CACNA1D: variants seen among roughly 807,000 people sequenced by gnomAD.
CACNA1D encodes calcium voltage-gated channel subunit alpha1 D, also known as voltage-dependent L-type calcium channel subunit alpha-1D.
In CACNA1D, 55 loss-of-function variants were observed where a neutral mutation model predicts 257.1. The observed-to-expected ratio is 0.21, with a 90% CI of 0.17 to 0.27. The LOEUF (loss-of-function observed/expected upper bound fraction) is 0.27. Among genes scored for constraint, CACNA1D ranks in the 10% least tolerant of loss-of-function variants. The pLI, the probability that CACNA1D is intolerant of heterozygous loss-of-function variation, is 1.00. For missense variants in CACNA1D, 1,876 were observed against 2,784.0 expected, an observed-to-expected ratio of 0.67 and a Z score of 7.34; for synonymous variants, 980 against 1,014.9, an observed-to-expected ratio of 0.97 and a Z score of 0.65.
At chr3:53,505,838 G>T (rs113056048) in intron 3 of CACNA1D, among the ~76,000 whole-genome samples, 1,723 of 152,340 alleles carry the variant, frequency 0.011, 31 homozygotes, top group African/African-American at 0.04. Flanking sequence ...CTGAGAAGCA[G>T]TGCTGGGCTG....
At chr3:53,624,470 A>G (rs1459177275) in intron 3 of CACNA1D, among the ~76,000 whole-genome samples, 1 of 152,134 alleles carries the variant, frequency 6.6e-6, no homozygotes, top group Non-Finnish European at 1.5e-5. Context: ...CCATCCCACC[A>G]CCTTCTCCCG....
chr3:53,680,577 C>T (rs1423839794), intron 8 of CACNA1D, among the ~76,000 whole-genome samples: 2 of 152,118 alleles, frequency 1.3e-5, no homozygotes, highest in Non-Finnish European at 2.9e-5. Flanking sequence ...ATCTGTTGAT[C>T]CCAAATCCTA....
At chr3:53,601,667 A>G (rs2093444060) in intron 3 of CACNA1D, among the ~76,000 whole-genome samples, 1 of 152,192 alleles carries the variant, frequency 6.6e-6, no homozygotes, top group Non-Finnish European at 1.5e-5. Flanking sequence ...AGTAACAACA[A>G]TAATGATAAT....
At chr3:53,799,683 G>T (rs559451962) in intron 40 of CACNA1D, among the ~76,000 whole-genome samples, 1 of 152,198 alleles carries the variant, frequency 6.6e-6, no homozygotes, top group South Asian at 2.1e-4. Context: ...GTCGTGGTCC[G>T]AGTGTGCTGG....
chr3:53,515,931 C>CTT (rs563321706), intron 3 of CACNA1D, among the ~76,000 whole-genome samples: 7 of 152,218 alleles, frequency 4.6e-5, no homozygotes, highest in Non-Finnish European at 1.0e-4. Context: ...CTCTCTCTCT[C>CTT]TTCAGCCTTC....
At chr3:53,519,617 ATACTT>A (rs1326617492) in intron 3 of CACNA1D, among the ~76,000 whole-genome samples, 1 of 152,232 alleles carries the variant, frequency 6.6e-6, no homozygotes, top group Non-Finnish European at 1.5e-5. Context: ...TGGCATGTTC[ATACTT>A]TTTAAAAGAA....
chr3:53,693,313 C>T (rs2108536376), intron 8 of CACNA1D, among the ~76,000 whole-genome samples: 1 of 152,274 alleles, frequency 6.6e-6, no homozygotes, highest in African/African-American at 2.4e-5. Flanking sequence ...CTATTGGTCT[C>T]ATGCAGAGAG....
intron 3 of CACNA1D, among the ~76,000 whole-genome samples, chr3:53,577,907 CT>C (rs1300361856): frequency 1.2e-4 from 19 of 152,004 alleles, no homozygotes; most frequent in African/African-American, 4.6e-4. Context: ...CTTTTATAAA[CT>C]TTTAATTCTA....
At chr3:53,794,177 T>C (rs2095497401) in intron 40 of CACNA1D, among the ~76,000 whole-genome samples, 1 of 152,196 alleles carries the variant, frequency 6.6e-6, no homozygotes, top group Non-Finnish European at 1.5e-5. Flanking sequence ...AGAAGTTAAG[T>C]GATGTGACGT....
rs1254458632 is a variant in CACNA1D, at chr3:53,691,798, C to T, written c.1221-10843C>T. Among the ~76,000 whole-genome samples, 12 of 59,202 alleles carry T rather than the reference C, an allele frequency of 2.0e-4. No homozygotes were observed. In the South Asian group the frequency reaches 2.4e-3, roughly 12 times the overall value. 38.8% of individuals were successfully genotyped at this position (59,202 alleles called of 152,430 possible). A position where few individuals can be genotyped will look rare whatever the true frequency, so the allele number is the denominator to read the frequency against. The stretch of plus-strand genomic sequence containing the variant: ...TATTATATCTATAATATATATATTA[C>T]ATATATAATATATATTATATATTAT... On this transcript the variant is annotated intron_variant, in intron 8 of 47. Coordinates refer to ENST00000350061, the MANE Select transcript of CACNA1D (RefSeq NM_001128840.3).
At chr3:53,690,110 C>A (rs2094506215) in intron 8 of CACNA1D, among the ~76,000 whole-genome samples, 1 of 152,174 alleles carries the variant, frequency 6.6e-6, no homozygotes, top group African/African-American at 2.4e-5. Flanking sequence ...AAAATTTACA[C>A]AGCTAGTAAG....
intron 3 of CACNA1D, among the ~76,000 whole-genome samples, chr3:53,511,833 A>G (rs970767281): frequency 6.6e-6 from 1 of 152,170 alleles, no homozygotes; most frequent in African/African-American, 2.4e-5. Context: ...TCAAAATACA[A>G]AGGGATACAG....
intron 3 of CACNA1D, among the ~76,000 whole-genome samples, chr3:53,568,048 T>A (rs1575905120): frequency 6.6e-6 from 1 of 152,176 alleles, no homozygotes; most frequent in East Asian, 1.9e-4. Context: ...CCTCCCCTAA[T>A]GGAGACGGAC....
At chr3:53,686,806 A>G (rs926386506) in intron 8 of CACNA1D, among the ~76,000 whole-genome samples, 6 of 152,164 alleles carry the variant, frequency 3.9e-5, no homozygotes, top group African/African-American at 1.2e-4. Flanking sequence ...TCTGAAGGTA[A>G]GACAAAGAGA....
At position 53,811,214 on chromosome 3, in the gene CACNA1D, G is replaced by A. The variant is rs376907405; in HGVS notation, c.6294G>A (p.Glu2098=). ...ATGCCTGTGACCTCACCATCGACGA[G>A]ATGGAGAGTGCAGCCAGCACCCTGC... ...IADACDLTID[E]MESAASTLLN... Residue 2098 remains glutamate (E), a synonymous_variant, in exon 48 of 48, where the codon GAG becomes GAA. Transcript: ENST00000350061. The surrounding 1 kb of genome is among the most constrained non-coding windows in gnomAD (Gnocchi z 4.2). The A allele has an allele frequency of 9.3e-6, 15 of 1,613,992 alleles. No homozygotes were observed. The African/African-American group carries it at 2.0e-4, about 22-fold the overall frequency.
intron 3 of CACNA1D, among the ~76,000 whole-genome samples, chr3:53,579,279 C>T (rs709322): frequency 0.045 from 6,845 of 152,248 alleles, 201 homozygotes; most frequent in Non-Finnish European, 0.068. Context: ...AACAGATGGA[C>T]GGAGCAAACA....
chr3:53,505,115 G>GTTTTTTTTTTT (rs35938386), intron 3 of CACNA1D, among the ~76,000 whole-genome samples: 19 of 97,616 alleles, frequency 1.9e-4, no homozygotes, highest in East Asian at 2.9e-4. Flanking sequence ...TTGTTTATTT[G>GTTTTTTTTTTT]TTTTTTTTTT....
intron 4 of CACNA1D, among the ~76,000 whole-genome samples, chr3:53,652,294 A>G (rs1433712274): frequency 6.6e-6 from 1 of 152,090 alleles, no homozygotes; most frequent in Non-Finnish European, 1.5e-5. Context: ...GCCTGGAGAC[A>G]TTTTTCACAC....
intron 42 of CACNA1D, among the ~76,000 whole-genome samples, 190 bp from the exon 43 acceptor site, chr3:53,801,957 C>G (rs2095538329): frequency 2.0e-5 from 3 of 152,202 alleles, no homozygotes; most frequent in Admixed American, 2.0e-4. Context: ...GTTTTTCAAT[C>G]CTTTATAACA....
Sources: gnomAD v4.1 joint callset for allele counts (sites outside exome capture counted in the v4.1 genomes callset) on GRCh38, gnomAD v4.1.1 for gene constraint, Gnocchi (gnomAD v3.1) non-coding constraint, MANE v1.5 for transcripts, NCBI Gene and HGNC (gene_info 2026-07-23, HGNC 2026-07-21) for gene names.